ATG14: variants seen among roughly 807,000 people sequenced by gnomAD.
ATG14 encodes beclin 1-associated autophagy-related key regulator.
Under a neutral mutation model 60.4 loss-of-function variants are expected in ATG14, and 35 were observed. The observed-to-expected ratio is 0.58, with a 90% confidence interval of 0.44 to 0.77. The LOEUF is 0.77. ATG14 is among the 30% of genes least tolerant of loss of function. ATG14 has a pLI of 0.00. For missense variants in ATG14, 647 were observed against 626.3 expected (o/e 1.03, Z -0.35); for synonymous variants, 234 against 228.8 (o/e 1.02, Z -0.21).
chr14:55,405,892 G>C lies in ATG14; in HGVS notation c.221+5710C>G, dbSNP rs8020065. On this transcript the variant is annotated intron_variant, in intron 1 of 9. Coordinates refer to ENST00000247178, the MANE Select transcript of ATG14 (RefSeq NM_014924.5). ...GTCTCCCCTGGGGGTGGGGTGGCGG[G>C]GGGGGCAGGGGAAGAAAAGGCAGAT... is the stretch of plus-strand genomic sequence containing the variant. 5.0e-3 allele frequency among the ~76,000 whole-genome samples: 763 copies of C among 151,940 alleles called. 5 individuals carry two copies. The highest frequency in any genetic ancestry group is 0.016 in the African/African-American group (679 of 41,426).
intron 6 of ATG14, among the ~76,000 whole-genome samples, 163 bp from the exon 7 acceptor site, chr14:55,380,853 G>GTATATATATATATATATATATATATA: frequency 9.3e-6 from 1 of 108,002 alleles, no homozygotes. Context: ...CATTCTTTGT[G>GTATATATATATATATATATATATATA]TGTATATATA....
rs541374065 is a variant in ATG14, at chr14:55,393,321, G to C, written c.328-2329C>G. On this transcript the variant is annotated intron_variant, in intron 3 of 9. Transcript: ENST00000247178. ...AATGGTGTGAACCCAGGAGGTGGAG[G>C]TTGCAGTGAGCCGAGATCGCGCCAC... 1.7e-4 allele frequency among the ~76,000 whole-genome samples: 26 copies of C among 152,066 alleles called. 1 individual carries two copies. Among genetic ancestry groups the C allele is most frequent in the Admixed American group, 5.2e-4 (8 of 15,274 alleles).
chr14:55,384,778 CA>C (rs1885094512), intron 5 of ATG14, among the ~76,000 whole-genome samples: 2 of 152,336 alleles, frequency 1.3e-5, no homozygotes, highest in South Asian at 4.1e-4. Flanking sequence ...CCAGAAGAGA[CA>C]GGAAAATCCT....
intron 1 of ATG14, among the ~76,000 whole-genome samples, chr14:55,399,756 GGACT>G (rs1365179182): frequency 1.3e-5 from 2 of 152,192 alleles, no homozygotes; most frequent in Admixed American, 6.5e-5. Flanking sequence ...ACCATGCAAA[GGACT>G]GACAGGGAAA....
chr14:55,370,081 T>C lies in ATG14; in HGVS notation c.1173-156A>G, dbSNP rs115312481. Among the ~76,000 whole-genome samples, 512 of 152,332 alleles carry C rather than the reference T, an allele frequency of 3.4e-3. 5 individuals carry two copies. The highest frequency in any genetic ancestry group is 0.012 in the African/African-American group (485 of 41,564). On this transcript the variant is annotated intron_variant, in intron 9 of 9. Transcript: ENST00000247178. ...TGCAGCACTCCGTGTTGACATATGA[T>C]TGCGTTTTCCTTTACCCAAATAATC...
intron 5 of ATG14, 140 bp downstream of exon 5, chr14:55,385,719 T>C (rs753807010): frequency 3.7e-6 from 3 of 818,732 alleles, no homozygotes; most frequent in South Asian, 1.9e-5. Context: ...TACTGTTTGT[T>C]GAAACAGATA....
intron 1 of ATG14, among the ~76,000 whole-genome samples, chr14:55,409,017 T>G (rs765608372): frequency 6.6e-6 from 1 of 152,208 alleles, no homozygotes; most frequent in Non-Finnish European, 1.5e-5. Flanking sequence ...ATTTCTATTG[T>G]GGCTGCTGTT....
At position 55,369,540 on chromosome 14, in the gene ATG14, TA is replaced by T; in HGVS notation, c.*78del. On this transcript the variant is annotated 3_prime_UTR_variant, in exon 10 of 10. Coordinates refer to ENST00000247178, the MANE Select transcript of ATG14 (RefSeq NM_014924.5). ...CTTTGTTCCAGACACTATCTTAACT[TA>T]AACAGAAAATGTTTACTAGAGTGTA... 1 of 1,308,890 alleles carries T rather than the reference TA, an allele frequency of 7.6e-7. No homozygotes were observed. Among genetic ancestry groups the T allele is most frequent in the Non-Finnish European group, 1.0e-6 (1 of 975,102 alleles). 81.1% of individuals were successfully genotyped at this position (1,308,890 alleles called of 1,614,324 possible).
rs150985211 is a variant in ATG14 at position 55,407,715 on chromosome 14, T to C, written c.221+3887A>G. 1.5e-4 allele frequency among the ~76,000 whole-genome samples: 23 copies of C among 152,316 alleles called. 1 individual carries two copies. The highest frequency in any genetic ancestry group is 5.3e-4 in the African/African-American group (22 of 41,558). ...AACTACATTCTGGATGTGGCTATCTTCCTCAAATAAATAATATTACACATT... is the reference window on the plus strand; with the variant it reads ...AACTACATTCTGGATGTGGCTATCTCCCTCAAATAAATAATATTACACATT... On this transcript the variant is annotated intron_variant, in intron 1 of 9. Coordinates refer to ENST00000247178, the MANE Select transcript of ATG14 (RefSeq NM_014924.5).
intron 6 of ATG14, among the ~76,000 whole-genome samples, chr14:55,381,731 G>A (rs1422187831): frequency 1.3e-5 from 2 of 152,212 alleles, no homozygotes; most frequent in Non-Finnish European, 2.9e-5. Context: ...ATGTGTGGTT[G>A]CCAGGAGCTG....
chr14:55,374,214 A>ATT lies in ATG14; in HGVS notation c.1172+3604_1172+3605insAA, dbSNP rs1236087220. On this transcript the variant is annotated intron_variant, in intron 9 of 9. Coordinates refer to ENST00000247178, the MANE Select transcript of ATG14 (RefSeq NM_014924.5). Reference sequence around the variant, plus strand: ...GCATTTTAAGTTTTTTATTATTTTAATGTTTTTTTTTAAAGAGATGGGGGT... The same window carrying ATT: ...GCATTTTAAGTTTTTTATTATTTTAATTTGTTTTTTTTTAAAGAGATGGGGGT... 3.5e-3 allele frequency among the ~76,000 whole-genome samples: 472 copies of ATT among 133,576 alleles called. 5 individuals carry two copies. The highest frequency in any genetic ancestry group is 0.012 in the African/African-American group (453 of 38,286). 87.6% of individuals were successfully genotyped at this position (133,576 alleles called of 152,430 possible). A position where few individuals can be genotyped will look rare whatever the true frequency, so the allele number is the denominator to read the frequency against.
At chr14:55,383,548 C>G (rs1213821446) in intron 5 of ATG14, among the ~76,000 whole-genome samples, 1 of 151,702 alleles carries the variant, frequency 6.6e-6, no homozygotes, top group Non-Finnish European at 1.5e-5. Flanking sequence ...GAGACTCCAT[C>G]TCAAAAAAAC....
chr14:55,370,617 A>G (rs1884792777), intron 9 of ATG14, among the ~76,000 whole-genome samples: 1 of 151,814 alleles, frequency 6.6e-6, no homozygotes, highest in Non-Finnish European at 1.5e-5. Flanking sequence ...GAACCGAGTC[A>G]GCAAACCTCA....
At chr14:55,395,564 G>A (rs1343785785) in intron 3 of ATG14, among the ~76,000 whole-genome samples, 1 of 152,052 alleles carries the variant, frequency 6.6e-6, no homozygotes, top group African/African-American at 2.4e-5. Context: ...TTTCCTCTAC[G>A]GTTTATAAAG....
chr14:55,371,328 G>A (rs555061690), intron 9 of ATG14, among the ~76,000 whole-genome samples: 2 of 152,254 alleles, frequency 1.3e-5, no homozygotes, highest in African/African-American at 4.8e-5. Flanking sequence ...GGTCTGCACC[G>A]TTGACTCACT....
chr14:55,381,846 C>T, intron 6 of ATG14, 116 bp downstream of exon 6: 1 of 794,556 alleles, frequency 1.3e-6, no homozygotes, highest in Non-Finnish European at 2.0e-6. Flanking sequence ...GAGCACAGTG[C>T]TGTGAATGTA....
At chr14:55,375,801 T>C (rs1594776428) in intron 9 of ATG14, among the ~76,000 whole-genome samples, 2 of 152,230 alleles carry the variant, frequency 1.3e-5, no homozygotes, top group East Asian at 3.8e-4. Context: ...TCAGAGCTGT[T>C]AACACAGCAC....
At chr14:55,411,242 G>A (rs760349865) in intron 1 of ATG14, among the ~76,000 whole-genome samples, 3 of 152,204 alleles carry the variant, frequency 2.0e-5, no homozygotes, top group Admixed American at 6.5e-5. Flanking sequence ...AAAATAGAAA[G>A]CCAAGCTTTT....
intron 1 of ATG14, among the ~76,000 whole-genome samples, chr14:55,398,915 T>C (rs1594783732): frequency 6.6e-6 from 1 of 152,230 alleles, no homozygotes; most frequent in African/African-American, 2.4e-5. Context: ...CGTGACCCAC[T>C]GACCATTTTC....
Sources: allele counts gnomAD v4.1 joint callset (sites outside exome capture counted in the v4.1 genomes callset), GRCh38; gene constraint gnomAD v4.1.1; transcripts MANE v1.5; gene names NCBI Gene and HGNC (gene_info 2026-07-23, HGNC 2026-07-21).